The following ANO2 variants were observed in gnomAD, a reference collection of about 807,000 sequenced individuals.
The protein encoded by ANO2 is anoctamin-2.
ANO2 carries 101 observed loss-of-function variants against 124.2 expected under a neutral mutation model. The observed-to-expected ratio is 0.81, with a 90% CI of 0.69 to 0.96. ANO2 has a LOEUF of 0.96. Ranked by LOEUF, ANO2 falls within the 40% of genes least tolerant of loss-of-function variation. The probability of loss-of-function intolerance (pLI) is 0.00; values close to 1 mark genes in which losing one functional copy is unlikely to be tolerated. For synonymous variants in ANO2, 486 were observed against 482.5 expected (o/e 1.01, Z -0.09); for missense variants, 1,293 against 1,274.5 (o/e 1.01, Z -0.22).
intron 10 of ANO2, among the ~76,000 whole-genome samples, chr12:5,759,380 A>G (rs1951674085): frequency 6.6e-6 from 1 of 152,040 alleles, no homozygotes; most frequent in East Asian, 1.9e-4. Flanking sequence ...TTTTTGGCAG[A>G]AACTATGCAA....
chr12:5,736,920 A>G (rs1950891374), intron 13 of ANO2, among the ~76,000 whole-genome samples: 1 of 152,132 alleles, frequency 6.6e-6, no homozygotes, highest in South Asian at 2.1e-4. Context: ...CTGATTTTTT[A>G]AGAATTTCCT....
intron 10 of ANO2, among the ~76,000 whole-genome samples, chr12:5,793,680 G>A (rs918477605): frequency 6.6e-6 from 1 of 152,194 alleles, no homozygotes; most frequent in African/African-American, 2.4e-5. Flanking sequence ...CCATGTGGCT[G>A]ATAAGACAGG....
In ANO2 at chr12:5,769,835, G is replaced by A. The variant is rs1210122826; in HGVS notation, c.1056-18865C>T. The stretch of plus-strand genomic sequence containing the variant: ...GTTTGCAAACAAATGGCTTGTGAAG[G>A]GTCCTTTCCCTGGGTATTATACACA... On this transcript the variant is annotated intron_variant, in intron 10 of 24. Transcript: ENST00000682330. The surrounding 1 kb of genome is among the most constrained non-coding windows in gnomAD (Gnocchi z 4.0). Among the ~76,000 whole-genome samples, 1 of 152,144 alleles carries A rather than the reference G, an allele frequency of 6.6e-6. No individual in the cohort carries two copies. The highest frequency in any genetic ancestry group is 6.5e-5 in the Admixed American group (1 of 15,272).
At chr12:5,720,629 A>G (rs968449291) in intron 14 of ANO2, among the ~76,000 whole-genome samples, 5 of 152,138 alleles carry the variant, frequency 3.3e-5, no homozygotes, top group Admixed American at 6.5e-5. Context: ...ATCATTGCAC[A>G]TATTTGGGTC....
At position 5,565,665 on chromosome 12, in the gene ANO2, T is replaced by C. The variant is rs1030614679; in HGVS notation, c.2622-2A>G. The C allele has an allele frequency of 6.3e-7, 1 of 1,584,144 alleles. No homozygotes were observed. Among genetic ancestry groups the C allele is most frequent in the Admixed American group, 1.8e-5 (1 of 54,946 alleles). On this transcript the variant is annotated splice_acceptor_variant, in intron 23 of 24. Coordinates refer to ENST00000682330, the MANE Select transcript of ANO2 (RefSeq NM_001364791.2). LOFTEE classifies it high-confidence loss of function. ...GGCGGCTCTCGGTAATCCTTAAACCTGCCCAAAGAGAAATGTGGTGTTAAG... is the reference window on the plus strand; with the variant it reads ...GGCGGCTCTCGGTAATCCTTAAACCCGCCCAAAGAGAAATGTGGTGTTAAG...
chr12:5,615,342 C>T, intron 16 of ANO2, 45 bp from the exon 17 acceptor site: 2 of 1,481,684 alleles, frequency 1.3e-6, no homozygotes, highest in Non-Finnish European at 1.9e-6. Context: ...TGAGATTTCT[C>T]ACCTCTCCAG....
chr12:5,827,664 T>G, intron 7 of ANO2, 105 bp downstream of exon 7: 1 of 1,332,018 alleles, frequency 7.5e-7, no homozygotes, highest in Non-Finnish European at 1.0e-6. Flanking sequence ...TGGGGGGCAT[T>G]TGCTTGTTTT....
At chr12:5,897,660 A>G (rs1445903066) in intron 3 of ANO2, among the ~76,000 whole-genome samples, 3 of 152,184 alleles carry the variant, frequency 2.0e-5, no homozygotes, top group Non-Finnish European at 4.4e-5. Context: ...GGTCCGTTCA[A>G]TAAATGACGT....
chr12:5,751,079 C>G, intron 10 of ANO2, 109 bp from the exon 11 acceptor site: 1 of 1,123,788 alleles, frequency 8.9e-7, no homozygotes, highest in Non-Finnish European at 1.2e-6. Context: ...ATTCATTCCT[C>G]TTGTGACGAA....
At chr12:5,685,785 C>T (rs1238929159) in intron 14 of ANO2, among the ~76,000 whole-genome samples, 2 of 137,658 alleles carry the variant, frequency 1.5e-5, no homozygotes, top group Non-Finnish European at 3.3e-5. Context: ...TCAACAACAA[C>T]AACAAAACAA....
chr12:5,743,046 C>A (rs1316740962), intron 12 of ANO2, among the ~76,000 whole-genome samples: 1 of 152,060 alleles, frequency 6.6e-6, no homozygotes, highest in East Asian at 1.9e-4. Flanking sequence ...GGTGGCCTAG[C>A]AATATGGGAA....
At chr12:5,907,903 T>G (rs1940803869) in intron 3 of ANO2, among the ~76,000 whole-genome samples, 1 of 152,248 alleles carries the variant, frequency 6.6e-6, no homozygotes, top group East Asian at 1.9e-4. Flanking sequence ...CTCCCACGCA[T>G]ACCACTGATG....
At chr12:5,747,999 AGTGT>A (rs1200201622) in intron 11 of ANO2, among the ~76,000 whole-genome samples, 1 of 152,018 alleles carries the variant, frequency 6.6e-6, no homozygotes, top group Non-Finnish European at 1.5e-5. Context: ...CACGTGCATG[AGTGT>A]GTGTGAATGT....
At position 5,733,009 on chromosome 12, in the gene ANO2, T is replaced by C. The variant is rs1449402365; in HGVS notation, c.1435-379A>G. The C allele has an allele frequency of 4.9e-6, 5 of 1,011,264 alleles. No individual in the cohort carries two copies. The East Asian group carries it at 1.3e-4, about 26-fold the overall frequency. 62.6% of individuals were successfully genotyped at this position (1,011,264 alleles called of 1,614,324 possible). A position where few individuals can be genotyped will look rare whatever the true frequency, so the allele number is the denominator to read the frequency against. On this transcript the variant is annotated intron_variant, in intron 13 of 24. Transcript: ENST00000682330. ...ATATCCCTGGTCATCCCACCAACTA[T>C]CGTCAGACCTCAAACTTTAACTTTC...
chr12:5,837,856 T>A (rs1954379708), intron 4 of ANO2, among the ~76,000 whole-genome samples: 1 of 151,482 alleles, frequency 6.6e-6, no homozygotes, highest in Non-Finnish European at 1.5e-5. Context: ...AAGAAATAAC[T>A]AAAATCAGAG....
chr12:5,812,547 C>A (rs1174247141), intron 7 of ANO2, among the ~76,000 whole-genome samples: 9 of 30,980 alleles, frequency 2.9e-4, no homozygotes, highest in South Asian at 1.2e-3. Flanking sequence ...GGCAGGCAAG[C>A]GAAGAAAGAA....
chr12:5,836,922 T>G (rs892141888), intron 4 of ANO2: 2 of 154,420 alleles, frequency 1.3e-5, no homozygotes, highest in African/African-American at 2.4e-5. Flanking sequence ...TGTCCAGCCA[T>G]CCCTACCAAA....
At chr12:5,883,234 A>C (rs375548618) in intron 3 of ANO2, among the ~76,000 whole-genome samples, 2 of 152,118 alleles carry the variant, frequency 1.3e-5, no homozygotes, top group African/African-American at 4.8e-5. Context: ...TGCAGAGCAT[A>C]CACCCCCTCC....
At chr12:5,773,698 C>T (rs934842848) in intron 10 of ANO2, among the ~76,000 whole-genome samples, 10 of 152,112 alleles carry the variant, frequency 6.6e-5, no homozygotes, top group African/African-American at 2.4e-4. Context: ...AACCAAAGCC[C>T]AGAAAGGTTC....
Sources: allele counts gnomAD v4.1 joint callset (sites outside exome capture counted in the v4.1 genomes callset), GRCh38; gene constraint gnomAD v4.1.1; non-coding constraint Gnocchi (gnomAD v3.1); transcripts MANE v1.5; gene names NCBI Gene and HGNC (gene_info 2026-07-23, HGNC 2026-07-21).